Variants in APP observed in about 807,000 individuals in gnomAD.
APP encodes the protein amyloid beta precursor protein, also known as amyloid-beta precursor protein.
APP carries 31 observed loss-of-function variants against 101.4 expected under a neutral mutation model. The ratio of observed to expected loss-of-function variants is 0.31; its 90% CI spans 0.23 to 0.41. APP has a LOEUF of 0.41. APP is among the 10% of genes least tolerant of loss of function. The pLI, the probability that APP is intolerant of heterozygous loss-of-function variation, is 1.00. For missense variants in APP, 839 were observed against 1,003.7 expected (o/e 0.84, Z 2.22); for synonymous variants, 366 against 364.4 (o/e 1.00, Z -0.05).
intron 2 of APP, among the ~76,000 whole-genome samples, chr21:26,109,861 T>A (rs1173193179): frequency 6.6e-6 from 1 of 152,214 alleles, no homozygotes. Flanking sequence ...ATTTGGTCAA[T>A]GTCATAAACT....
chr21:26,076,171 G>T (rs1476023984), intron 3 of APP, among the ~76,000 whole-genome samples: 1 of 152,138 alleles, frequency 6.6e-6, no homozygotes, highest in Non-Finnish European at 1.5e-5. Flanking sequence ...TGGGATTACA[G>T]GTGTGAGCTA....
rs966830450 is a variant in APP, at chr21:25,955,658, T to C, written c.1556A>G (p.Asp519Gly). Reference sequence around the variant, plus strand: ...CCGGATCTGAGCGGCTTTCTTGGGATCCACCATGCGCACATGCTCGAAATG... The same window carrying C: ...CCGGATCTGAGCGGCTTTCTTGGGACCCACCATGCGCACATGCTCGAAATG... ...LKHFEHVRMVDPKKAAQIRSQ... is the reference protein window; with the variant it reads ...LKHFEHVRMVGPKKAAQIRSQ... The change falls in exon 12 of 18, where the codon GAT becomes GGT. Residue 519 changes from aspartate (D) to glycine (G), a missense_variant. Coordinates refer to ENST00000346798, the MANE Select transcript of APP (RefSeq NM_000484.4). 1 of 1,614,088 alleles carries C rather than the reference T, an allele frequency of 6.2e-7. No homozygotes were observed. The highest frequency in any genetic ancestry group is 8.5e-7 in the Non-Finnish European group (1 of 1,180,042).
intron 13 of APP, among the ~76,000 whole-genome samples, chr21:25,946,932 C>G (rs1029787884): frequency 6.6e-6 from 1 of 152,052 alleles, no homozygotes; most frequent in Admixed American, 6.5e-5. Flanking sequence ...AATTTGTCTG[C>G]CAGAATGGTA....
intron 6 of APP, among the ~76,000 whole-genome samples, chr21:26,016,281 CCTCAGCCTCCCAAAGT>C (rs1361809117): frequency 6.6e-6 from 1 of 152,192 alleles, no homozygotes; most frequent in East Asian, 1.9e-4. Context: ...GATCTGCTCA[CCTCAGCCTCCCAAAGT>C]GCTGGGATTA....
intron 1 of APP, among the ~76,000 whole-genome samples, chr21:26,146,886 T>C (rs1197375677): frequency 6.6e-6 from 1 of 152,236 alleles, no homozygotes; most frequent in Non-Finnish European, 1.5e-5. Flanking sequence ...GTATTGGTAC[T>C]GGGTAAATAA....
At chr21:26,116,440 G>A (rs1326589426) in intron 1 of APP, among the ~76,000 whole-genome samples, 4 of 152,146 alleles carry the variant, frequency 2.6e-5, no homozygotes, top group East Asian at 3.9e-4. Context: ...ATGTGAATCT[G>A]GAAACCCTAC....
chr21:26,019,161 C>T (rs2044226148), intron 6 of APP, among the ~76,000 whole-genome samples: 1 of 152,246 alleles, frequency 6.6e-6, no homozygotes, highest in Admixed American at 6.5e-5. Flanking sequence ...CTGGAAAAAT[C>T]TGCAGCGCAC....
At chr21:26,023,222 G>T (rs1397130164) in intron 5 of APP, among the ~76,000 whole-genome samples, 14 of 151,962 alleles carry the variant, frequency 9.2e-5, no homozygotes. Flanking sequence ...CACCTGGAAG[G>T]CTTATTGAAA....
At chr21:26,094,274 C>T (rs897105575) in intron 2 of APP, among the ~76,000 whole-genome samples, 1 of 152,052 alleles carries the variant, frequency 6.6e-6, no homozygotes. Flanking sequence ...TGCAATTTTG[C>T]TGTTCCAACA....
chr21:26,155,022 C>A (rs971262303), intron 1 of APP, among the ~76,000 whole-genome samples: 1 of 152,080 alleles, frequency 6.6e-6, no homozygotes, highest in African/African-American at 2.4e-5. Context: ...GAGGCCAAAG[C>A]GGCAAGTCAC....
chr21:25,950,381 CTTTTTTTTTT>C (rs57124711), intron 13 of APP, among the ~76,000 whole-genome samples: 1 of 133,126 alleles, frequency 7.5e-6, no homozygotes, highest in Non-Finnish European at 1.6e-5. Context: ...TTTTTTTTTT[CTTTTTTTTTT>C]TTTTTGGAGA....
At chr21:26,139,723 T>C (rs916430930) in intron 1 of APP, among the ~76,000 whole-genome samples, 1 of 152,112 alleles carries the variant, frequency 6.6e-6, no homozygotes, top group Non-Finnish European at 1.5e-5. Context: ...TGAAACCTCG[T>C]CTCTATTAAA....
At chr21:26,055,330 T>A (rs1162337241) in intron 3 of APP, among the ~76,000 whole-genome samples, 1 of 152,078 alleles carries the variant, frequency 6.6e-6, no homozygotes, top group African/African-American at 2.4e-5. Flanking sequence ...GCCCCAGAGA[T>A]AAGCATTAAG....
chr21:25,982,657 A>T (rs2042479283), intron 8 of APP, among the ~76,000 whole-genome samples, 180 bp from the exon 9 acceptor site: 2 of 152,244 alleles, frequency 1.3e-5, no homozygotes, highest in East Asian at 3.9e-4. Flanking sequence ...GCAGCACAGT[A>T]AGGATGTCTT....
intron 8 of APP, among the ~76,000 whole-genome samples, chr21:25,990,584 G>A (rs569373005): frequency 5.9e-5 from 9 of 152,274 alleles, no homozygotes; most frequent in African/African-American, 1.4e-4. Flanking sequence ...AGATGAGTTC[G>A]AAAAGTCAAA....
intron 3 of APP, among the ~76,000 whole-genome samples, chr21:26,058,932 T>C (rs2046151623): frequency 6.7e-6 from 1 of 149,548 alleles, no homozygotes; most frequent in African/African-American, 2.5e-5. Flanking sequence ...ATACAAAAAA[T>C]TAGCCGGGCG....
chr21:25,972,538 C>G (rs2042071293), intron 11 of APP, among the ~76,000 whole-genome samples: 1 of 151,988 alleles, frequency 6.6e-6, no homozygotes, highest in Non-Finnish European at 1.5e-5. Flanking sequence ...TATGTGCACT[C>G]AAACTTTTTT....
Position 26,122,588 on chromosome 21 carries a change from G to A in APP, c.58-10442C>T, listed in dbSNP as rs117582172. 3.0e-3 allele frequency among the ~76,000 whole-genome samples: 460 copies of A among 152,174 alleles called. 3 individuals are homozygous for A. Among genetic ancestry groups the A allele is most frequent in the Admixed American group, 5.1e-3 (78 of 15,288 alleles). ...CATTTTTCAAGTGAGTCGGCCTGCCGTTACCAATGCCAAATTTAAAGCACT... is the reference window on the plus strand; with the variant it reads ...CATTTTTCAAGTGAGTCGGCCTGCCATTACCAATGCCAAATTTAAAGCACT... On this transcript the variant is annotated intron_variant, in intron 1 of 17. Transcript: ENST00000346798.
chr21:26,038,450 G>C (rs1325863361), intron 5 of APP, among the ~76,000 whole-genome samples: 1 of 152,104 alleles, frequency 6.6e-6, no homozygotes, highest in Non-Finnish European at 1.5e-5. Context: ...ATGATGGGTA[G>C]AGAAGTGATT....
Sources: allele counts gnomAD v4.1 joint callset (sites outside exome capture counted in the v4.1 genomes callset), GRCh38; gene constraint gnomAD v4.1.1; transcripts MANE v1.5; gene names NCBI Gene and HGNC (gene_info 2026-07-23, HGNC 2026-07-21).